SRP54: variants seen among roughly 807,000 people sequenced by gnomAD.
The protein encoded by SRP54 is signal recognition particle 54.
Under a neutral mutation model 64.8 loss-of-function variants are expected in SRP54, and 10 were observed. The ratio of observed to expected loss-of-function variants is 0.15; its 90% CI spans 0.10 to 0.26. SRP54 has a LOEUF of 0.26. Among genes scored for constraint, SRP54 ranks in the 10% least tolerant of loss-of-function variants. The probability of loss-of-function intolerance (pLI) is 1.00; values close to 1 mark genes in which losing one functional copy is unlikely to be tolerated. For synonymous variants in SRP54, 193 were observed against 185.6 expected, an observed-to-expected ratio of 1.04 and a Z score of -0.32; for missense variants, 325 against 613.7, an observed-to-expected ratio of 0.53 and a Z score of 4.97.
intron 4 of SRP54, 80 bp from the exon 5 acceptor site, chr14:35,007,203 A>T (rs1298957098): frequency 1.0e-6 from 1 of 977,602 alleles, no homozygotes; most frequent in African/African-American, 1.7e-5. Context: ...CAAAAAAGGA[A>T]AAAAAAGTTG....
At chr14:34,995,134 GGTGTGTGTGTGTGTGTGTGTGTGTGTGT>G (rs35829734) in intron 1 of SRP54, among the ~76,000 whole-genome samples, 8 of 70,324 alleles carry the variant, frequency 1.1e-4, no homozygotes, top group African/African-American at 2.0e-4. Context: ...ATCAATAAAG[GGTGTGTGTGTGTGTGTGTGTGTGTGTGT>G]GTGTGTGTGT....
chr14:35,024,455 G>T (rs979297248), intron 14 of SRP54, among the ~76,000 whole-genome samples: 1 of 152,064 alleles, frequency 6.6e-6, no homozygotes, highest in Non-Finnish European at 1.5e-5. Flanking sequence ...TCCCTGTCCA[G>T]TTCTTCCATT....
rs1207168517 is a variant in SRP54 at position 34,983,116 on chromosome 14, C to G, written c.-133C>G. 1 of 152,386 alleles carries G rather than the reference C, an allele frequency of 6.6e-6. No homozygotes were observed. Among genetic ancestry groups the G allele is most frequent in the Non-Finnish European group, 1.5e-5 (1 of 68,168 alleles). The allele number at this position is 152,386 out of a possible 1,614,324, so 9.4% of individuals were successfully genotyped here. On this transcript the variant is annotated 5_prime_UTR_variant, in exon 1 of 16. Transcript: ENST00000216774. ...AGTTGGGTTGTGGGGTCATACCTGT[C>G]TGTCTGCTCCCAGCTTTCTTGGGTT...
chr14:34,988,955 A>AT (rs1202654158), intron 1 of SRP54, among the ~76,000 whole-genome samples: 2 of 152,126 alleles, frequency 1.3e-5, no homozygotes, highest in Admixed American at 6.6e-5. Flanking sequence ...AATAGTTGTT[A>AT]TACCATATTT....
intron 14 of SRP54, among the ~76,000 whole-genome samples, chr14:35,023,419 A>G (rs2044567985): frequency 6.6e-6 from 1 of 152,064 alleles, no homozygotes; most frequent in African/African-American, 2.4e-5. Context: ...TACTGCAAAT[A>G]ACAGTTGCTA....
At chr14:35,010,041 G>T (rs2044330523) in intron 7 of SRP54, among the ~76,000 whole-genome samples, 1 of 151,806 alleles carries the variant, frequency 6.6e-6, no homozygotes, top group East Asian at 1.9e-4. Context: ...CTAGCTACTT[G>T]GGAGGCTGAG....
chr14:34,989,255 G>A (rs1395761501), intron 1 of SRP54, among the ~76,000 whole-genome samples: 1 of 152,052 alleles, frequency 6.6e-6, no homozygotes, highest in East Asian at 1.9e-4. Context: ...TCTATAATCC[G>A]AGCACTTTGG....
intron 14 of SRP54, among the ~76,000 whole-genome samples, chr14:35,027,037 T>C (rs2139031908): frequency 6.6e-6 from 1 of 150,598 alleles, no homozygotes; most frequent in East Asian, 2.0e-4. Flanking sequence ...TTTTTTTTTT[T>C]TTTTTCTTCT....
intron 1 of SRP54, among the ~76,000 whole-genome samples, chr14:34,984,100 CAA>C (rs1389984766): frequency 6.6e-6 from 1 of 152,130 alleles, no homozygotes; most frequent in East Asian, 1.9e-4. Flanking sequence ...ATATTTCCCT[CAA>C]ATCGCTTTTT....
intron 7 of SRP54, among the ~76,000 whole-genome samples, chr14:35,009,201 T>G (rs1474727222): frequency 6.6e-6 from 1 of 151,792 alleles, no homozygotes; most frequent in Non-Finnish European, 1.5e-5. Context: ...CCCTGCTAAT[T>G]TTTTTAAAAA....
At chr14:35,023,615 C>G (rs901039600) in intron 14 of SRP54, among the ~76,000 whole-genome samples, 2 of 152,000 alleles carry the variant, frequency 1.3e-5, no homozygotes, top group Non-Finnish European at 2.9e-5. Flanking sequence ...GAAACCCTGC[C>G]TCTACTTAAA....
intron 1 of SRP54, among the ~76,000 whole-genome samples, chr14:34,995,762 G>T (rs1364328170): frequency 1.3e-5 from 2 of 152,066 alleles, no homozygotes; most frequent in Non-Finnish European, 2.9e-5. Flanking sequence ...CTCATCAAGG[G>T]CTTTTTCTAA....
intron 3 of SRP54, among the ~76,000 whole-genome samples, chr14:35,000,393 C>T (rs1487303774): frequency 6.6e-6 from 1 of 151,858 alleles, no homozygotes; most frequent in Non-Finnish European, 1.5e-5. Flanking sequence ...TGGTGAAACC[C>T]TGTTTCTACT....
intron 11 of SRP54, 130 bp downstream of exon 11, chr14:35,014,960 G>A (rs922588037): frequency 3.4e-6 from 2 of 594,598 alleles, no homozygotes; most frequent in African/African-American, 3.8e-5. Flanking sequence ...TATTTTAGAT[G>A]ATTTATATGC....
At chr14:35,027,843 G>A in intron 14 of SRP54, 2 of 278,920 alleles carry the variant, frequency 7.2e-6, no homozygotes, top group Non-Finnish European at 1.3e-5. Flanking sequence ...ATAAATCGTA[G>A]CCTTAAAAAA....
At chr14:35,024,978 G>T (rs964928347) in intron 14 of SRP54, among the ~76,000 whole-genome samples, 3 of 151,982 alleles carry the variant, frequency 2.0e-5, no homozygotes, top group African/African-American at 7.2e-5. Context: ...TGATTCGCCC[G>T]CCTTAGCTTC....
At chr14:34,990,088 A>T (rs1408126483) in intron 1 of SRP54, among the ~76,000 whole-genome samples, 3 of 152,158 alleles carry the variant, frequency 2.0e-5, no homozygotes, top group Admixed American at 2.0e-4. Context: ...TGCCTTACTT[A>T]GGGCACCCAA....
chr14:34,997,128 C>G lies in SRP54; in HGVS notation c.78+341C>G, dbSNP rs567068727. Among the ~76,000 whole-genome samples, 3 of 152,210 alleles carry G rather than the reference C, an allele frequency of 2.0e-5. No individual in the cohort carries two copies. In the East Asian group the frequency reaches 5.8e-4, roughly 29 times the overall value. Reference sequence around the variant, plus strand: ...GATATAGACCTAAAATTTCATTACTCTGCTTCTTTCTTCTTGGCTAGGCCT... The same window carrying G: ...GATATAGACCTAAAATTTCATTACTGTGCTTCTTTCTTCTTGGCTAGGCCT... On this transcript the variant is annotated intron_variant, in intron 2 of 15. Transcript: ENST00000216774.
intron 4 of SRP54, among the ~76,000 whole-genome samples, chr14:35,002,778 C>T (rs1462816114): frequency 1.6e-5 from 2 of 123,796 alleles, no homozygotes; most frequent in African/African-American, 6.1e-5. Context: ...CAGTCTGACT[C>T]TGTTACCCAG....
Sources: gnomAD v4.1 joint callset for allele counts (sites outside exome capture counted in the v4.1 genomes callset) on GRCh38, gnomAD v4.1.1 for gene constraint, MANE v1.5 for transcripts, NCBI Gene and HGNC (gene_info 2026-07-23, HGNC 2026-07-21) for gene names.